CATSPERD: variants seen among roughly 807,000 people sequenced by gnomAD.
The protein encoded by CATSPERD is cation channel sperm-associated auxiliary subunit delta.
CATSPERD carries 86 observed loss-of-function variants against 98.1 expected under a neutral mutation model. That is an observed-to-expected ratio of 0.88 (90% CI 0.74 to 1.05). The LOEUF (loss-of-function observed/expected upper bound fraction) is 1.05. Among genes scored for constraint, CATSPERD ranks in the 50% least tolerant of loss-of-function variants. The pLI, the probability that CATSPERD is intolerant of heterozygous loss-of-function variation, is 0.00. For synonymous variants in CATSPERD, 394 were observed against 390.2 expected (o/e 1.01, Z -0.12); for missense variants, 995 against 1,005.7 (o/e 0.99, Z 0.14).
At chr19:5,734,414 G>A (rs571617882) in intron 5 of CATSPERD, among the ~76,000 whole-genome samples, 6 of 151,324 alleles carry the variant, frequency 4.0e-5, no homozygotes, top group East Asian at 3.9e-4. Context: ...TGAGGCGGGC[G>A]GATCATCTGA....
At chr19:5,772,111 GA>G in intron 19 of CATSPERD, 1 of 346,268 alleles carries the variant, frequency 2.9e-6, no homozygotes, top group Non-Finnish European at 5.5e-6. Context: ...CCAGTGGCAT[GA>G]ACACAGTTCA....
At chr19:5,749,207 A>G in intron 11 of CATSPERD, 24 bp downstream of exon 11, 2 of 1,575,452 alleles carry the variant, frequency 1.3e-6, no homozygotes, top group Non-Finnish European at 1.7e-6. Flanking sequence ...AAGTGGGGTT[A>G]TGGGCTGGGC....
chr19:5,776,660 A>T (rs752467038), intron 21 of CATSPERD, among the ~76,000 whole-genome samples: 4 of 152,030 alleles, frequency 2.6e-5, no homozygotes, highest in Non-Finnish European at 4.4e-5. Flanking sequence ...GTAGACTCTC[A>T]AATATTCAGG....
At chr19:5,772,543 T>C (rs761275228) in intron 19 of CATSPERD, 2 of 475,756 alleles carry the variant, frequency 4.2e-6, no homozygotes, top group Non-Finnish European at 7.5e-6. Flanking sequence ...AGACTTTTCC[T>C]TCCACCCTGT....
chr19:5,746,628 T>C (rs1158014599), intron 9 of CATSPERD, among the ~76,000 whole-genome samples: 1 of 150,678 alleles, frequency 6.6e-6, no homozygotes, highest in African/African-American at 2.4e-5. Context: ...AGAGACGGGG[T>C]TTCACCGTGT....
chr19:5,772,389 G>A (rs145076919), intron 19 of CATSPERD: 4 of 253,838 alleles, frequency 1.6e-5, no homozygotes, highest in South Asian at 3.4e-5. Context: ...CACTGCGCCC[G>A]GCTAATTTTT....
intron 1 of CATSPERD, among the ~76,000 whole-genome samples, chr19:5,722,981 G>A (rs937788124): frequency 2.0e-5 from 3 of 152,032 alleles, no homozygotes; most frequent in Middle Eastern, 3.4e-3. Context: ...GAGGTCAGGA[G>A]ATCGAGACCA....
Position 5,775,926 on chromosome 19 carries a change from C to T in CATSPERD, c.1942-235C>T, listed in dbSNP as rs372816045. ...AGTGGTATACGGAGTTGATCACCAC[C>T]CTCAATCTTTCGGCCTCCAACAGAG... On this transcript the variant is annotated intron_variant, in intron 20 of 21. Coordinates refer to ENST00000381624, the MANE Select transcript of CATSPERD (RefSeq NM_152784.4). 6.5e-4 allele frequency among the ~76,000 whole-genome samples: 99 copies of T among 152,202 alleles called. 3 individuals carry two copies. The South Asian group carries it at 9.1e-3, about 14-fold the overall frequency.
chr19:5,726,443 G>C (rs1175926761), intron 2 of CATSPERD, among the ~76,000 whole-genome samples: 2 of 151,996 alleles, frequency 1.3e-5, no homozygotes, highest in Non-Finnish European at 2.9e-5. Context: ...GTGCAGTGCT[G>C]AGATCATAGC....
At chr19:5,743,291 G>T (rs538017226) in intron 7 of CATSPERD, among the ~76,000 whole-genome samples, 8 of 148,732 alleles carry the variant, frequency 5.4e-5, no homozygotes, top group South Asian at 2.1e-4. Context: ...CGACAAGAGT[G>T]TAACTCTGTC....
intron 4 of CATSPERD, among the ~76,000 whole-genome samples, chr19:5,733,029 T>G (rs2055759174): frequency 6.6e-6 from 1 of 151,614 alleles, no homozygotes; most frequent in African/African-American, 2.4e-5. Flanking sequence ...AAGACGGAGT[T>G]TCACCCTTGT....
Position 5,748,176 on chromosome 19 carries a change from C to A in CATSPERD, c.825C>A (p.Thr275=). Reference sequence around the variant, plus strand: ...ACCTCCTAGGTCAGCTCGTCGACACCGTCCGGGTGAAAAAAGGAGACCAGA... The same window carrying A: ...ACCTCCTAGGTCAGCTCGTCGACACAGTCCGGGTGAAAAAAGGAGACCAGA... ...FSHNAGQLVD[T]VRVKKGDQTL... Residue 275 remains threonine, a synonymous_variant, in exon 10 of 22, where the codon ACC becomes ACA. Transcript: ENST00000381624. 1.2e-6 allele frequency: 2 copies of A among 1,613,838 alleles called. No individual in the cohort carries two copies. The highest frequency in any genetic ancestry group is 8.5e-7 in the Non-Finnish European group (1 of 1,179,892).
At chr19:5,746,861 G>C (rs1017783331) in intron 9 of CATSPERD, among the ~76,000 whole-genome samples, 1 of 151,336 alleles carries the variant, frequency 6.6e-6, no homozygotes, top group Non-Finnish European at 1.5e-5. Flanking sequence ...AAGCTGTGCC[G>C]AGTCCTGATT....
chr19:5,747,168 CCTTTT>C (rs2056110277), intron 9 of CATSPERD, among the ~76,000 whole-genome samples: 1 of 140,274 alleles, frequency 7.1e-6, no homozygotes. Flanking sequence ...CAATGGTTTC[CCTTTT>C]TTTTTTTTTT....
At chr19:5,737,021 C>T (rs572046198) in intron 5 of CATSPERD, 117 bp from the exon 6 acceptor site, 4 of 570,144 alleles carry the variant, frequency 7.0e-6, no homozygotes, top group African/African-American at 1.9e-5. Context: ...CACGCCACTG[C>T]ACTTCAGCCT....
At chr19:5,742,714 G>A (rs2056012738) in intron 7 of CATSPERD, among the ~76,000 whole-genome samples, 1 of 152,078 alleles carries the variant, frequency 6.6e-6, no homozygotes, top group Non-Finnish European at 1.5e-5. Flanking sequence ...GCTTGAGCCT[G>A]GGAGACTGAC....
chr19:5,759,260 C>T (rs2056388219), intron 15 of CATSPERD, 116 bp downstream of exon 15: 5 of 967,032 alleles, frequency 5.2e-6, no homozygotes, highest in East Asian at 2.4e-5. Flanking sequence ...TAAAACAAGG[C>T]GATTACAACA....
intron 1 of CATSPERD, among the ~76,000 whole-genome samples, chr19:5,723,533 C>G (rs1478297849): frequency 6.8e-6 from 1 of 147,248 alleles, no homozygotes; most frequent in Admixed American, 7.0e-5. Flanking sequence ...GGCGCCATCT[C>G]GGCTCACTGC....
intron 4 of CATSPERD, among the ~76,000 whole-genome samples, 179 bp downstream of exon 4, chr19:5,730,123 C>T (rs959406259): frequency 6.6e-6 from 1 of 151,998 alleles, no homozygotes; most frequent in Non-Finnish European, 1.5e-5. Flanking sequence ...TTTATTCTGC[C>T]CCTACTACCA....
Sources: allele counts gnomAD v4.1 joint callset (sites outside exome capture counted in the v4.1 genomes callset), GRCh38; gene constraint gnomAD v4.1.1; transcripts MANE v1.5; gene names NCBI Gene and HGNC (gene_info 2026-07-23, HGNC 2026-07-21).